Variants in FAM131A observed in about 807,000 individuals in gnomAD.
FAM131A encodes the protein family with sequence similarity 131 member A.
A neutral mutation model predicts 39.2 loss-of-function variants in FAM131A; 24 were observed. The ratio of observed to expected loss-of-function variants is 0.61; its 90% CI spans 0.44 to 0.86. FAM131A has a LOEUF of 0.86. Among genes scored for constraint, FAM131A ranks in the 40% least tolerant of loss-of-function variants. The probability of loss-of-function intolerance (pLI) is 0.00; values close to 1 mark genes in which losing one functional copy is unlikely to be tolerated. For missense variants in FAM131A, 373 were observed against 481.2 expected, an observed-to-expected ratio of 0.78 and a Z score of 2.10; for synonymous variants, 202 against 206.8, an observed-to-expected ratio of 0.98 and a Z score of 0.20.
In FAM131A at chr3:184,345,865, A is replaced by G. The variant is rs1427385438; in HGVS notation, c.*895A>G. ...CAAGAGGGCCACAGGGGTGGCCGGG[A>G]GTTGTCAGCTGATGCCTGCTGAGAG... On this transcript the variant is annotated 3_prime_UTR_variant, in exon 6 of 6. Coordinates refer to ENST00000383847, the MANE Select transcript of FAM131A (RefSeq NM_144635.5). The G allele has an allele frequency of 2.5e-5, 12 of 476,604 alleles. No individual in the cohort carries two copies. The highest frequency in any genetic ancestry group is 1.6e-4 in the Admixed American group (4 of 25,558). 29.5% of individuals were successfully genotyped at this position (476,604 alleles called of 1,614,324 possible). A position where few individuals can be genotyped will look rare whatever the true frequency, so the allele number is the denominator to read the frequency against.
rs552629247 is a variant in FAM131A at position 184,338,682 on chromosome 3, C to G, written c.231+153C>G. 9.4e-5 allele frequency: 90 copies of G among 958,670 alleles called. 3 individuals carry two copies. In the South Asian group the frequency reaches 1.3e-3, roughly 14 times the overall value. The allele number at this position is 958,670 out of a possible 1,614,324, so 59.4% of individuals were successfully genotyped here. A position where few individuals can be genotyped will look rare whatever the true frequency, so the allele number is the denominator to read the frequency against. On this transcript the variant is annotated intron_variant, in intron 2 of 5. Transcript: ENST00000383847. ...GCGGGCCGGGAGGCCGCCCCCGTGC[C>G]GGTCTGCTCTGCTCGGCGCTGTGCC...
Position 184,344,787 on chromosome 3 carries a change from C to T in FAM131A, c.918C>T (p.Tyr306=), listed in dbSNP as rs1413775184. 16 of 1,612,314 alleles carry T rather than the reference C, an allele frequency of 9.9e-6. No homozygotes were observed. The highest frequency in any genetic ancestry group is 2.2e-5 in the East Asian group (1 of 44,886). Residue 306 remains tyrosine, a synonymous_variant, in exon 6 of 6, where the codon TAC becomes TAT. Coordinates refer to ENST00000383847, the MANE Select transcript of FAM131A (RefSeq NM_144635.5). ...LGPLEAQDSL[Y]NSPLTESCLS... ...CACTGGAGGCCCAGGACTCACTCTA[C>T]AACTCGCCCCTCACAGAGTCCTGCC...
In FAM131A at chr3:184,344,875, ACGGG is replaced by A; in HGVS notation, c.1008_1011del (p.Gly337AlafsTer19). On this transcript the variant is annotated frameshift_variant, in exon 6 of 6. Coordinates refer to ENST00000383847, the MANE Select transcript of FAM131A (RefSeq NM_144635.5). LOFTEE classifies it high-confidence loss of function. ...CTGCCAGCCACTCTGCCCACCACTA[ACGGG>A]CAGCTGGGAACGGCAGCGGCAAGCC... is the stretch of plus-strand genomic sequence containing the variant. 1 of 1,610,782 alleles carries A rather than the reference ACGGG, an allele frequency of 6.2e-7. No homozygotes were observed. The highest frequency in any genetic ancestry group is 8.5e-7 in the Non-Finnish European group (1 of 1,179,828).
Position 184,337,642 on chromosome 3 carries a change from T to C in FAM131A, c.12T>C (p.Ile4=). 6.5e-7 allele frequency: 1 copy of C among 1,537,244 alleles called. No individual in the cohort carries two copies. Among genetic ancestry groups the C allele is most frequent in the Non-Finnish European group, 8.7e-7 (1 of 1,146,906 alleles). Residue 4 remains isoleucine (I), a synonymous_variant, in exon 1 of 6, where the codon ATT becomes ATC. Coordinates refer to ENST00000383847, the MANE Select transcript of FAM131A (RefSeq NM_144635.5). Reference sequence around the variant, plus strand: ...TCAACACAGCCAGCATGCCTATGATTTCTGTGCTGGGCAAAATGTTTCTGT... The same window carrying C: ...TCAACACAGCCAGCATGCCTATGATCTCTGTGCTGGGCAAAATGTTTCTGT... MPM[I]SVLGKMFLWQ...
In FAM131A at chr3:184,345,266, A is replaced by G. The variant is rs1310347170; in HGVS notation, c.*296A>G. 6 of 566,796 alleles carry G rather than the reference A, an allele frequency of 1.1e-5. No homozygotes were observed. Among genetic ancestry groups the G allele is most frequent in the African/African-American group, 5.8e-5 (3 of 52,020 alleles). The allele number at this position is 566,796 out of a possible 1,614,324, so 35.1% of individuals were successfully genotyped here. On this transcript the variant is annotated 3_prime_UTR_variant, in exon 6 of 6. Coordinates refer to ENST00000383847, the MANE Select transcript of FAM131A (RefSeq NM_144635.5). ...TGTTCATGTTCTTAAAATGCCACAC[A>G]CACATTTCCTCCTCGGATAATGTGA...
In FAM131A at chr3:184,338,379, C is replaced by G. The variant is rs1411931713; in HGVS notation, c.89-8C>G. ...GCACAGCTCAACAGCCTTTCCCCTT[C>G]CTCTCAGTGTCCTCGGACCCCGCTT... On this transcript the variant is annotated splice_region_variant and splice_polypyrimidine_tract_variant and intron_variant, in intron 1 of 5. Coordinates refer to ENST00000383847, the MANE Select transcript of FAM131A (RefSeq NM_144635.5). 7.0e-7 allele frequency: 1 copy of G among 1,432,992 alleles called. No homozygotes were observed. The highest frequency in any genetic ancestry group is 2.6e-5 in the East Asian group (1 of 38,394). The allele number at this position is 1,432,992 out of a possible 1,614,324, so 88.8% of individuals were successfully genotyped here.
chr3:184,336,821 A>C (rs1577281740), upstream of FAM131A, among the ~76,000 whole-genome samples: 1 of 152,310 alleles, frequency 6.6e-6, no homozygotes, highest in East Asian at 1.9e-4. The surrounding 1 kb of genome is among the most constrained non-coding windows in gnomAD (Gnocchi z 5.5). Flanking sequence ...CTTCCTTCCC[A>C]CAGTGCTGAC....
rs558853668 is a variant in FAM131A at position 184,346,079 on chromosome 3, G to A, written c.*1109G>A. On this transcript the variant is annotated 3_prime_UTR_variant, in exon 6 of 6. Coordinates refer to ENST00000383847, the MANE Select transcript of FAM131A (RefSeq NM_144635.5). The surrounding 1 kb of genome is among the most constrained non-coding windows in gnomAD (Gnocchi z 6.0). ...GCATTCCAAGGTCACTGGACTGTAC[G>A]TTTTTATGGTTGTGGGAAGGGTGGG... 4.8e-5 allele frequency: 9 copies of A among 188,850 alleles called. No homozygotes were observed. The South Asian group carries it at 7.5e-4, about 16-fold the overall frequency. 11.7% of individuals were successfully genotyped at this position (188,850 alleles called of 1,614,324 possible).
At chr3:184,344,457 A>T in intron 5 of FAM131A, 38 bp from the exon 6 acceptor site, 1 of 1,501,798 alleles carries the variant, frequency 6.7e-7, no homozygotes, top group Non-Finnish European at 8.9e-7. Context: ...GTTGAAATGG[A>T]GCCAGCAGGA....
chr3:184,344,914 GC>G lies in FAM131A; in HGVS notation c.1047del (p.Ser350LeufsTer7). ...ACGGCAGCGGCAAGCCTCTGACCTG[GC>G]CTCTTCTGGGGTGGTGTCCTTAGAT... The part of the protein sequence containing the change: ...WERQRQASDL[A>X]SSGVVSLDED... On this transcript the variant is annotated frameshift_variant, in exon 6 of 6. Coordinates refer to ENST00000383847, the MANE Select transcript of FAM131A (RefSeq NM_144635.5). LOFTEE classifies it high-confidence loss of function. 1 of 1,605,518 alleles carries G rather than the reference GC, an allele frequency of 6.2e-7. No individual in the cohort carries two copies. Among genetic ancestry groups the G allele is most frequent in the Non-Finnish European group, 8.5e-7 (1 of 1,179,076 alleles).
rs573744335 is a variant in FAM131A, at chr3:184,338,633, G to C, written c.231+104G>C. 1.1e-3 allele frequency: 1,602 copies of C among 1,433,708 alleles called. 2 individuals are homozygous for C. Among genetic ancestry groups the C allele is most frequent in the Non-Finnish European group, 1.3e-3 (1,368 of 1,075,860 alleles). The allele number at this position is 1,433,708 out of a possible 1,614,324, so 88.8% of individuals were successfully genotyped here. A position where few individuals can be genotyped will look rare whatever the true frequency, so the allele number is the denominator to read the frequency against. On this transcript the variant is annotated intron_variant, in intron 2 of 5. Transcript: ENST00000383847. ...CAGCCAGCTTCTGGCTCCCTTTTCC[G>C]GCGGGCGGAGGCGCTATCCGGCGGC...
rs1727577956 is a variant in FAM131A, at chr3:184,345,089, A to G, written c.*119A>G. 1 of 958,210 alleles carries G rather than the reference A, an allele frequency of 1.0e-6. No individual in the cohort carries two copies. The highest frequency in any genetic ancestry group is 2.7e-5 in the East Asian group (1 of 37,302). The allele number at this position is 958,210 out of a possible 1,614,324, so 59.4% of individuals were successfully genotyped here. On this transcript the variant is annotated 3_prime_UTR_variant, in exon 6 of 6. Transcript: ENST00000383847. The stretch of plus-strand genomic sequence containing the variant: ...CTCCACAGCCTAGAGGGCTCCTGGG[A>G]GCGCTCGCTTCTCCGTTGTGTGTTT...
upstream of FAM131A, among the ~76,000 whole-genome samples, chr3:184,336,667 G>A (rs373819074): frequency 2.9e-4 from 44 of 152,354 alleles, no homozygotes; most frequent in East Asian, 7.9e-3. The surrounding 1 kb of genome is among the most constrained non-coding windows in gnomAD (Gnocchi z 5.5). Flanking sequence ...GGCGAAGGGG[G>A]ACTGAGGTCC....
Position 184,337,673 on chromosome 3 carries a change from C to T in FAM131A, c.43C>T (p.Arg15Cys), listed in dbSNP as rs1179331357. 3.9e-6 allele frequency: 6 copies of T among 1,537,180 alleles called. No homozygotes were observed. Among genetic ancestry groups the T allele is most frequent in the Non-Finnish European group, 5.2e-6 (6 of 1,146,920 alleles). Reference protein sequence around the residue: ...SVLGKMFLWQREGPGGRWTCQ... With the variant: ...SVLGKMFLWQCEGPGGRWTCQ... ...GCTGGGCAAAATGTTTCTGTGGCAGCGTGAAGGGCCTGGAGGACGATGGAC... is the reference window on the plus strand; with the variant it reads ...GCTGGGCAAAATGTTTCTGTGGCAGTGTGAAGGGCCTGGAGGACGATGGAC... Residue 15 changes from arginine to cysteine, a missense_variant, in exon 1 of 6, where the codon CGT (arginine) becomes TGT (cysteine). Physicochemically the swap from Arg to Cys is radical, Grantham distance 180. This residue lies in a region of FAM131A where 221 missense variants were observed against 347.7 expected (regional missense o/e 0.64). Coordinates refer to ENST00000383847, the MANE Select transcript of FAM131A (RefSeq NM_144635.5).
At chr3:184,337,826 C>G in intron 1 of FAM131A, 108 bp downstream of exon 1, 1 of 1,152,534 alleles carries the variant, frequency 8.7e-7, no homozygotes, top group Non-Finnish European at 1.2e-6. Context: ...AAGAACCAGG[C>G]TGAAACAGGG....
Position 184,344,885 on chromosome 3 carries a change from G to T in FAM131A, c.1016G>T (p.Trp339Leu). 6.2e-7 allele frequency: 1 copy of T among 1,609,994 alleles called. No homozygotes were observed. Among genetic ancestry groups the T allele is most frequent in the Non-Finnish European group, 8.5e-7 (1 of 1,179,810 alleles). ...CTCTGCCCACCACTAACGGGCAGCT[G>T]GGAACGGCAGCGGCAAGCCTCTGAC... ...QPLCPPLTGS[W>L]ERQRQASDLA... is the part of the protein sequence containing the mutation. The change falls in exon 6 of 6, where the codon TGG becomes TTG. Residue 339 changes from tryptophan (W) to leucine (L), a missense_variant. By Grantham distance (61) the Trp-to-Leu change is moderately conservative (BLOSUM62 -2). This residue lies in a region of FAM131A where 152 missense variants were observed against 133.5 expected (regional missense o/e 1.14). Coordinates refer to ENST00000383847, the MANE Select transcript of FAM131A (RefSeq NM_144635.5).
rs1384074486 is a variant in FAM131A at position 184,342,767 on chromosome 3, G to A, written c.532G>A (p.Ala178Thr). The A allele has an allele frequency of 1.1e-5, 18 of 1,613,316 alleles. No individual in the cohort carries two copies. Among genetic ancestry groups the A allele is most frequent in the South Asian group, 3.3e-5 (3 of 91,072 alleles). The change falls in exon 5 of 6, where the codon GCG becomes ACG. Residue 178 changes from alanine (A) to threonine (T), a missense_variant. Physicochemically the swap from Ala to Thr is moderately conservative, Grantham distance 58. Coordinates refer to ENST00000383847, the MANE Select transcript of FAM131A (RefSeq NM_144635.5). This position sits in a 1 kb window ranked among gnomAD's most constrained non-coding sequence, Gnocchi z 4.6. ...AAGVAEQFAI[A>T]EAKLRAWSSV... ...AGGAGTGGCTGAGCAGTTTGCCATCGCGGAAGCCAAGCTCCGAGCATGGTC... is the reference window on the plus strand; with the variant it reads ...AGGAGTGGCTGAGCAGTTTGCCATCACGGAAGCCAAGCTCCGAGCATGGTC...
At chr3:184,343,950 A>T (rs147789843) in intron 5 of FAM131A, among the ~76,000 whole-genome samples, 1 of 151,672 alleles carries the variant, frequency 6.6e-6, no homozygotes, top group African/African-American at 2.4e-5. Flanking sequence ...GTATGGCCAT[A>T]GGCGGTGACC....
rs1727534033 is a variant in FAM131A, at chr3:184,344,516, T to C, written c.647T>C (p.Leu216Pro). ...MDTDMAGQLP[L>P]GPHLQDLFTG... ...ACAGACATGGCTGGGCAGCTGCCCC[T>C]GGGGCCGCACCTCCAGGACCTGTTC... The change falls in exon 6 of 6, where the codon CTG becomes CCG. Residue 216 changes from leucine to proline, a missense_variant. This residue lies in a region of FAM131A where 221 missense variants were observed against 347.7 expected (regional missense o/e 0.64). Coordinates refer to ENST00000383847, the MANE Select transcript of FAM131A (RefSeq NM_144635.5). 2.6e-6 allele frequency: 4 copies of C among 1,534,338 alleles called. No homozygotes were observed. The highest frequency in any genetic ancestry group is 2.6e-6 in the Non-Finnish European group (3 of 1,140,642).
Sources: gnomAD v4.1 joint callset for allele counts (sites outside exome capture counted in the v4.1 genomes callset) on GRCh38, gnomAD v4.1.1 for gene constraint, gnomAD v4.1.1 regional missense constraint, Gnocchi (gnomAD v3.1) non-coding constraint, MANE v1.5 for transcripts, NCBI Gene and HGNC (gene_info 2026-07-23, HGNC 2026-07-21) for gene names.